Variants in EPHA5 observed in about 807,000 individuals in gnomAD.
EPHA5 encodes EPH receptor A5.
Under a neutral mutation model 105.0 loss-of-function variants are expected in EPHA5, and 60 were observed. The ratio of observed to expected loss-of-function variants is 0.57; its 90% CI spans 0.46 to 0.71. EPHA5 has a LOEUF of 0.71. Ranked by LOEUF, EPHA5 falls within the 30% of genes least tolerant of loss-of-function variation. The probability of loss-of-function intolerance (pLI) is 0.00; values close to 1 mark genes in which losing one functional copy is unlikely to be tolerated. For missense variants in EPHA5, 1,218 were observed against 1,274.7 expected (o/e 0.96, Z 0.68); for synonymous variants, 513 against 449.1 (o/e 1.14, Z -1.80).
At chr4:65,357,424 T>C (rs1452957736) in intron 11 of EPHA5, among the ~76,000 whole-genome samples, 2 of 151,538 alleles carry the variant, frequency 1.3e-5, no homozygotes, top group Non-Finnish European at 3.0e-5. Context: ...TCACAAATAT[T>C]CATTTTTTTG....
At position 65,351,594 on chromosome 4, in the gene EPHA5, T is replaced by C. The variant is rs1373052016; in HGVS notation, c.2240A>G (p.Asn747Ser). 7.4e-6 allele frequency: 12 copies of C among 1,613,104 alleles called. No individual in the cohort carries two copies. The highest frequency in any genetic ancestry group is 1.1e-5 in the South Asian group (1 of 91,056). The change falls in exon 13 of 17, where the codon AAC (asparagine) becomes AGC (serine). Residue 747 changes from asparagine to serine, a missense_variant. Physicochemically the swap from Asn to Ser is conservative, Grantham distance 46. This residue lies in a region of EPHA5 where 971 missense variants were observed against 1,013.5 expected (regional missense o/e 0.96). Transcript: ENST00000613740. ...NGSLDTFLKKNDGQFTVIQLV... is the reference protein window; with the variant it reads ...NGSLDTFLKKSDGQFTVIQLV... The stretch of plus-strand genomic sequence containing the variant: ...CTGAATCACAGTGAACTGCCCATCG[T>C]TTTTCTGTAAAGACAATGTAGAAAT...
intron 5 of EPHA5, among the ~76,000 whole-genome samples, chr4:65,430,570 T>TTTA (rs767627011): frequency 1.8e-4 from 28 of 152,164 alleles, no homozygotes; most frequent in Non-Finnish European, 2.9e-4. Context: ...GTTTAAGCAC[T>TTTA]TTATATACAT....
At chr4:65,525,296 T>C (rs1735125216) in intron 3 of EPHA5, among the ~76,000 whole-genome samples, 1 of 151,818 alleles carries the variant, frequency 6.6e-6, no homozygotes, top group Non-Finnish European at 1.5e-5. Flanking sequence ...AATAATTTAA[T>C]ATAATTTCAT....
chr4:65,518,439 A>C (rs1443313157), intron 3 of EPHA5, among the ~76,000 whole-genome samples: 4 of 151,900 alleles, frequency 2.6e-5, no homozygotes, highest in African/African-American at 9.7e-5. Context: ...ACACACCCAC[A>C]CACACACAGT....
intron 8 of EPHA5, among the ~76,000 whole-genome samples, chr4:65,370,576 C>T (rs1718360102): frequency 6.6e-6 from 1 of 152,114 alleles, no homozygotes; most frequent in Non-Finnish European, 1.5e-5. Flanking sequence ...AATACGCTTT[C>T]AAAATTGTAT....
In EPHA5 at chr4:65,669,392, C is replaced by T. The variant is rs72642699; in HGVS notation, c.181+170G>A. The T allele has an allele frequency of 9.2e-3, 9,029 of 985,182 alleles. 50 individuals are homozygous for T. Among genetic ancestry groups the T allele is most frequent in the Non-Finnish European group, 0.01 (8,455 of 829,746 alleles). The allele number at this position is 985,182 out of a possible 1,614,324, so 61.0% of individuals were successfully genotyped here. ...TAACGTCAAACAATGCAACCAAAAA[C>T]CGCAGAGGGGAGCGAAAAGGCCAGT... is the stretch of plus-strand genomic sequence containing the variant. On this transcript the variant is annotated intron_variant, in intron 1 of 16. Transcript: ENST00000613740.
intron 4 of EPHA5, among the ~76,000 whole-genome samples, chr4:65,493,052 T>C (rs1180409431): frequency 1.3e-5 from 2 of 151,844 alleles, no homozygotes; most frequent in African/African-American, 2.4e-5. Context: ...TCTAAATCTA[T>C]AAGAATGCAT....
intron 2 of EPHA5, among the ~76,000 whole-genome samples, chr4:65,618,553 C>A (rs1241760211): frequency 6.6e-6 from 1 of 152,104 alleles, no homozygotes; most frequent in Non-Finnish European, 1.5e-5. Context: ...GATCAAGGTA[C>A]AAACACTTTT....
chr4:65,466,419 C>G (rs1438059427), intron 5 of EPHA5, among the ~76,000 whole-genome samples: 2 of 152,166 alleles, frequency 1.3e-5, no homozygotes, highest in Non-Finnish European at 2.9e-5. Context: ...AGTTCCAGAA[C>G]CTGTAGGACT....
chr4:65,442,237 G>T lies in EPHA5; in HGVS notation c.1403-21672C>A, dbSNP rs200976076. ...TAATGAGGCTTCAGTGAGGTCATTA[G>T]GGTGGGGCCTCCATGAGAAGAGCTC... On this transcript the variant is annotated intron_variant, in intron 5 of 16. Transcript: ENST00000613740. Among the ~76,000 whole-genome samples the T allele has an allele frequency of 7.2e-5, 11 of 152,206 alleles. No homozygotes were observed. The East Asian group carries it at 7.7e-4, about 11-fold the overall frequency.
chr4:65,616,996 A>G (rs1745299700), intron 2 of EPHA5, among the ~76,000 whole-genome samples: 1 of 152,100 alleles, frequency 6.6e-6, no homozygotes, highest in South Asian at 2.1e-4. Flanking sequence ...AAAGCGATAC[A>G]GTAAATTATA....
chr4:65,375,434 G>T (rs1718900081), intron 8 of EPHA5, among the ~76,000 whole-genome samples: 1 of 151,674 alleles, frequency 6.6e-6, no homozygotes, highest in African/African-American at 2.4e-5. Flanking sequence ...TAAGAATTCT[G>T]CCCTTCTATT....
chr4:65,349,370 T>C (rs775978556), intron 13 of EPHA5, among the ~76,000 whole-genome samples: 44 of 152,076 alleles, frequency 2.9e-4, no homozygotes, highest in Non-Finnish European at 5.9e-4. Flanking sequence ...GTTCATACAA[T>C]AAACACTTTT....
chr4:65,588,807 G>T (rs1188798979), intron 3 of EPHA5, among the ~76,000 whole-genome samples: 1 of 152,102 alleles, frequency 6.6e-6, no homozygotes, highest in African/African-American at 2.4e-5. Context: ...TAGCTGGCCT[G>T]GTCGGACGGT....
chr4:65,517,105 ATTAAT>A (rs776277793), intron 3 of EPHA5, among the ~76,000 whole-genome samples: 275 of 152,166 alleles, frequency 1.8e-3, no homozygotes, highest in Non-Finnish European at 2.8e-3. Flanking sequence ...CTATTTCTTC[ATTAAT>A]TCTGTCACAT....
intron 3 of EPHA5, among the ~76,000 whole-genome samples, chr4:65,547,519 T>C (rs990697774): frequency 1.3e-5 from 2 of 151,876 alleles, no homozygotes; most frequent in African/African-American, 4.8e-5. Flanking sequence ...ATATTAAAGG[T>C]GATGTTCCGG....
chr4:65,520,184 A>G (rs917081842), intron 3 of EPHA5, among the ~76,000 whole-genome samples: 87 of 152,314 alleles, frequency 5.7e-4, no homozygotes, highest in African/African-American at 2.1e-3. Context: ...ACAGAGATAT[A>G]GACCAATGGA....
intron 11 of EPHA5, among the ~76,000 whole-genome samples, chr4:65,362,792 A>G (rs184835256): frequency 4.6e-4 from 70 of 151,798 alleles, no homozygotes; most frequent in African/African-American, 1.3e-3. Context: ...GTTTTGTAAT[A>G]AAGGTCTGTA....
intron 3 of EPHA5, among the ~76,000 whole-genome samples, chr4:65,583,125 A>C (rs970800799): frequency 2.6e-5 from 4 of 151,642 alleles, no homozygotes; most frequent in Non-Finnish European, 4.4e-5. Context: ...AGCCAGGTCT[A>C]TCTGCTGTGA....
Sources: allele counts gnomAD v4.1 joint callset (sites outside exome capture counted in the v4.1 genomes callset), GRCh38; gene constraint gnomAD v4.1.1; regional missense constraint gnomAD v4.1.1; transcripts MANE v1.5; gene names NCBI Gene and HGNC (gene_info 2026-07-23, HGNC 2026-07-21).